The following ABCC8 variants were observed in gnomAD, a reference collection of about 807,000 sequenced individuals.
ABCC8 encodes the protein ATP binding cassette subfamily C member 8, also known as ATP-binding cassette sub-family C member 8.
In ABCC8, 137 loss-of-function variants were observed where a neutral mutation model predicts 188.0. The observed-to-expected ratio is 0.73, with a 90% CI of 0.63 to 0.84. The LOEUF (loss-of-function observed/expected upper bound fraction) is 0.84. Among genes scored for constraint, ABCC8 ranks in the 40% least tolerant of loss-of-function variants. ABCC8 has a pLI of 0.00. For missense variants in ABCC8, 1,750 were observed against 2,072.7 expected (o/e 0.84, Z 3.02); for synonymous variants, 797 against 846.5 (o/e 0.94, Z 1.01).
rs774238698 is a variant in ABCC8 at position 17,442,791 on chromosome 11, G to T, written c.1559C>A (p.Thr520Lys). The T allele has an allele frequency of 1.2e-6, 2 of 1,613,936 alleles. No individual in the cohort carries two copies. Among genetic ancestry groups the T allele is most frequent in the African/African-American group, 2.7e-5 (2 of 74,914 alleles). The change falls in exon 10 of 39, where the codon ACG (threonine) becomes AAG (lysine). Residue 520 changes from threonine (T) to lysine (K), a missense_variant. Thr to Lys is a moderately conservative substitution (Grantham distance 78). Coordinates refer to ENST00000389817, the MANE Select transcript of ABCC8 (RefSeq NM_000352.6). ...KLYAWENIFR[T>K]RVETTRRKEM... ...CTTCCTGCGGGTCGTCTCCACCCGC[G>T]TGCGGAAGATGTTCTCCCAGGCGTA...
chr11:17,393,861 T>A (rs1305320757), intron 37 of ABCC8, 102 bp from the exon 38 acceptor site: 21 of 1,610,506 alleles, frequency 1.3e-5, no homozygotes, highest in Admixed American at 1.7e-5. Flanking sequence ...AGCTCCCATC[T>A]GACCCCGATC....
chr11:17,449,000 C>T (rs950540932), intron 7 of ABCC8, among the ~76,000 whole-genome samples: 17 of 152,220 alleles, frequency 1.1e-4, no homozygotes, highest in Admixed American at 1.1e-3. Context: ...GATCTCAGCT[C>T]ACTGCAGCCT....
chr11:17,428,803 G>T, intron 12 of ABCC8, 133 bp from the exon 13 acceptor site: 1 of 1,498,412 alleles, frequency 6.7e-7, no homozygotes, highest in Non-Finnish European at 8.9e-7. Flanking sequence ...ACACTGAAGG[G>T]GGCAGACCAG....
At chr11:17,413,909 C>T (rs996385871) in intron 19 of ABCC8, among the ~76,000 whole-genome samples, 1 of 152,160 alleles carries the variant, frequency 6.6e-6, no homozygotes, top group African/African-American at 2.4e-5. Context: ...GGGCAGGTGC[C>T]AGCCAGAGTT....
chr11:17,415,050 A>G (rs1450071388), intron 18 of ABCC8, among the ~76,000 whole-genome samples: 1 of 125,866 alleles, frequency 7.9e-6, no homozygotes, highest in Non-Finnish European at 1.6e-5. Flanking sequence ...CCACATTTTG[A>G]GTGATGTGGT....
chr11:17,393,086 G>C lies in ABCC8; in HGVS notation c.4651C>G (p.Leu1551Val), dbSNP rs1320740169. 1 of 1,614,062 alleles carries C rather than the reference G, an allele frequency of 6.2e-7. No homozygotes were observed. ...AACTCAAGGATGGCACCCCGCTTCAGGACGATCACCAGGTCTGCACTCAGG... is the reference window on the plus strand; with the variant it reads ...AACTCAAGGATGGCACCCCGCTTCACGACGATCACCAGGTCTGCACTCAGG... ...TILSADLVIV[L>V]KRGAILEFDK... The change falls in exon 39 of 39, where the codon CTG (leucine) becomes GTG (valine). Residue 1551 changes from leucine (L) to valine (V), a missense_variant. Transcript: ENST00000389817.
rs113999016 is a variant in ABCC8 at position 17,461,885 on chromosome 11, T to C, written c.580-60A>G. ...TCCAACTTCTCACCACTCCCTACCT[T>C]GCCCCAGCAAGGATCTGGGGTTGTG... On this transcript the variant is annotated intron_variant, in intron 4 of 38. Coordinates refer to ENST00000389817, the MANE Select transcript of ABCC8 (RefSeq NM_000352.6). 316 of 1,608,252 alleles carry C rather than the reference T, an allele frequency of 2.0e-4. No individual in the cohort carries two copies. In the African/African-American group the frequency reaches 3.1e-3, roughly 16 times the overall value.
intron 17 of ABCC8, among the ~76,000 whole-genome samples, chr11:17,416,423 AC>A (rs1470350450): frequency 6.6e-6 from 1 of 151,802 alleles, no homozygotes; most frequent in Non-Finnish European, 1.5e-5. Context: ...TTCCATGATC[AC>A]CCCTAGAGCC....
Position 17,432,353 on chromosome 11 carries a change from G to A in ABCC8, c.1631-109C>T, listed in dbSNP as rs914300002. The A allele has an allele frequency of 3.2e-6, 5 of 1,546,044 alleles. No homozygotes were observed. The African/African-American group carries it at 4.1e-5, about 13-fold the overall frequency. On this transcript the variant is annotated intron_variant, in intron 10 of 38. Coordinates refer to ENST00000389817, the MANE Select transcript of ABCC8 (RefSeq NM_000352.6). ...GCAGTCCAGTGGGGCCAGCCTGTGG[G>A]GCACAGCTCCAGTAGGCTAGGGGCA...
At chr11:17,402,622 CCT>C (rs1460089755) in intron 29 of ABCC8, 37 bp downstream of exon 29, 1 of 1,614,196 alleles carries the variant, frequency 6.2e-7, no homozygotes, top group Non-Finnish European at 8.5e-7. Flanking sequence ...TGGCCCCACC[CCT>C]GTTCCACTCC....
At chr11:17,393,282 G>T in intron 38 of ABCC8, 154 bp from the exon 39 acceptor site, 1 of 1,040,612 alleles carries the variant, frequency 9.6e-7, no homozygotes, top group South Asian at 1.5e-5. Flanking sequence ...TTCCTGGGGT[G>T]GATGTGACTA....
At chr11:17,401,929 G>C (rs951847818) in intron 29 of ABCC8, among the ~76,000 whole-genome samples, 7 of 152,142 alleles carry the variant, frequency 4.6e-5, no homozygotes, top group African/African-American at 1.7e-4. Flanking sequence ...TGACACCTCT[G>C]GTACAAAAAC....
rs1954598138 is a variant in ABCC8 at position 17,407,432 on chromosome 11, C to G, written c.2842G>C (p.Ala948Pro). ...LEKETVTERK[A>P]TEPPQGLSRA... Reference sequence around the variant, plus strand: ...GATAGGCCCTGGGGTGGCTCTGTGGCTTTTCTCTCTGTGACAGTCTCCTAA... The same window carrying G: ...GATAGGCCCTGGGGTGGCTCTGTGGGTTTTCTCTCTGTGACAGTCTCCTAA... The change falls in exon 24 of 39, where the codon GCC (alanine) becomes CCC (proline). Residue 948 changes from alanine (A) to proline (P), a missense_variant. Ala to Pro is a conservative substitution (Grantham distance 27). Coordinates refer to ENST00000389817, the MANE Select transcript of ABCC8 (RefSeq NM_000352.6). 1 of 1,614,042 alleles carries G rather than the reference C, an allele frequency of 6.2e-7. No individual in the cohort carries two copies. The highest frequency in any genetic ancestry group is 1.7e-5 in the Admixed American group (1 of 59,988).
At chr11:17,460,241 C>T (rs948184557) in intron 6 of ABCC8, among the ~76,000 whole-genome samples, 7 of 152,220 alleles carry the variant, frequency 4.6e-5, no homozygotes, top group African/African-American at 7.2e-5. Context: ...ACCTAACTAC[C>T]GGGAGAGGTA....
Position 17,415,299 on chromosome 11 carries a change from A to G in ABCC8, c.2291+5T>C, listed in dbSNP as rs1323381709. The G allele has an allele frequency of 6.2e-7, 1 of 1,608,510 alleles. No individual in the cohort carries two copies. The highest frequency in any genetic ancestry group is 1.1e-5 in the South Asian group (1 of 88,974). The stretch of plus-strand genomic sequence containing the variant: ...CTGGGGGGCAATGTTCCCAGGACGC[A>G]GTACCTGATATCCAAGTCGGTCGCT... On this transcript the variant is annotated splice_donor_5th_base_variant and intron_variant, in intron 18 of 38. Coordinates refer to ENST00000389817, the MANE Select transcript of ABCC8 (RefSeq NM_000352.6).
chr11:17,460,754 T>C (rs1957160523), intron 5 of ABCC8, 78 bp from the exon 6 acceptor site: 1 of 1,585,932 alleles, frequency 6.3e-7, no homozygotes, highest in Non-Finnish European at 8.5e-7. Context: ...AGGATGCCCC[T>C]AGCTCCTGTT....
rs1956634137 is a variant in ABCC8, at chr11:17,448,610, G to C, written c.1238C>G (p.Thr413Ser). 2 of 1,614,098 alleles carry C rather than the reference G, an allele frequency of 1.2e-6. No individual in the cohort carries two copies. Among genetic ancestry groups the C allele is most frequent in the Admixed American group, 1.7e-5 (1 of 60,012 alleles). The change falls in exon 8 of 39, where the codon ACT becomes AGT. Residue 413 changes from threonine (T) to serine (S), a missense_variant. Coordinates refer to ENST00000389817, the MANE Select transcript of ABCC8 (RefSeq NM_000352.6). ...STSNLSMGEMTAGQICNLVAI... is the reference protein window; with the variant it reads ...STSNLSMGEMSAGQICNLVAI... The stretch of plus-strand genomic sequence containing the variant: ...AACCAGATTACAGATCTGTCCAGCA[G>C]TCATTTCTCCCATGGACAGGTTGGA...
intron 17 of ABCC8, 76 bp downstream of exon 17, chr11:17,416,854 A>C: frequency 1.9e-6 from 3 of 1,543,038 alleles, no homozygotes; most frequent in Non-Finnish European, 2.7e-6. Context: ...AGCATTACCC[A>C]CCCACAAGTC....
chr11:17,414,474 T>A lies in ABCC8; in HGVS notation c.2390+38A>T, dbSNP rs1402397327. ...GGGCAGGCTGGCCAGAGACAGTTCC[T>A]CCCCTCCACATCCTGCCTCCCTCCG... On this transcript the variant is annotated intron_variant, in intron 19 of 38. Coordinates refer to ENST00000389817, the MANE Select transcript of ABCC8 (RefSeq NM_000352.6). 2.5e-6 allele frequency: 4 copies of A among 1,612,594 alleles called. No individual in the cohort carries two copies. The African/African-American group carries it at 4.0e-5, about 16-fold the overall frequency.
Sources: gnomAD v4.1 joint callset for allele counts (sites outside exome capture counted in the v4.1 genomes callset) on GRCh38, gnomAD v4.1.1 for gene constraint, MANE v1.5 for transcripts, NCBI Gene and HGNC (gene_info 2026-07-23, HGNC 2026-07-21) for gene names.